Variants in PODXL2 observed in about 807,000 individuals in gnomAD.
PODXL2 encodes the protein podocalyxin like 2, also known as podocalyxin-like protein 2.
PODXL2 carries 17 observed loss-of-function variants against 53.4 expected under a neutral mutation model. That is an observed-to-expected ratio of 0.32 (90% CI 0.22 to 0.48). The LOEUF (loss-of-function observed/expected upper bound fraction) is 0.48. Ranked by LOEUF, PODXL2 falls within the 20% of genes least tolerant of loss-of-function variation. The probability of loss-of-function intolerance (pLI) is 0.99; values close to 1 mark genes in which losing one functional copy is unlikely to be tolerated. For missense variants in PODXL2, 673 were observed against 760.0 expected, an observed-to-expected ratio of 0.89 and a Z score of 1.35; for synonymous variants, 311 against 306.7, an observed-to-expected ratio of 1.01 and a Z score of -0.15.
intron 1 of PODXL2, among the ~76,000 whole-genome samples, chr3:127,630,818 A>G (rs1226483446): frequency 6.6e-6 from 1 of 152,208 alleles, no homozygotes; most frequent in African/African-American, 2.4e-5. Context: ...CACGCCGTAA[A>G]TCCTCTTTGG....
intron 1 of PODXL2, among the ~76,000 whole-genome samples, chr3:127,633,632 T>A (rs1445321790): frequency 6.6e-6 from 1 of 152,174 alleles, no homozygotes; most frequent in African/African-American, 2.4e-5. Flanking sequence ...AAACCTTTAT[T>A]GTGTCCCCAT....
In PODXL2 at chr3:127,672,470, C is replaced by A; in HGVS notation, c.1808C>A (p.Thr603Lys). The change falls in exon 8 of 8, where the codon ACG becomes AAG. Residue 603 changes from threonine to lysine, a missense_variant. Thr to Lys is a moderately conservative substitution (Grantham distance 78). Around this residue, in one of 3 missense-constraint regions of PODXL2, gnomAD observed 79 missense variants for 70.5 expected, o/e 1.12. Transcript: ENST00000342480. Reference sequence around the variant, plus strand: ...GACTCGGACGTGTTCGAGGAGGACACGCACCTGTGAGCGCAGCCGAGGCGC... The same window carrying A: ...GACTCGGACGTGTTCGAGGAGGACAAGCACCTGTGAGCGCAGCCGAGGCGC... Reference protein sequence around the residue: ...PEDSDVFEEDTHL With the variant: ...PEDSDVFEEDKHL The A allele has an allele frequency of 1.3e-6, 2 of 1,516,500 alleles. No homozygotes were observed. Among genetic ancestry groups the A allele is most frequent in the South Asian group, 1.2e-5 (1 of 81,536 alleles). The allele number at this position is 1,516,500 out of a possible 1,614,324, so 93.9% of individuals were successfully genotyped here. A position where few individuals can be genotyped will look rare whatever the true frequency, so the allele number is the denominator to read the frequency against.
chr3:127,629,238 G>T lies in PODXL2; in HGVS notation c.19G>T (p.Ala7Ser). Residue 7 changes from alanine to serine, a missense_variant, in exon 1 of 8, where the codon GCC (alanine) becomes TCC (serine). Ala to Ser is a moderately conservative substitution (Grantham distance 99). Coordinates refer to ENST00000342480, the MANE Select transcript of PODXL2 (RefSeq NM_015720.4). This position sits in a 1 kb window ranked among gnomAD's most constrained non-coding sequence, Gnocchi z 6.4. ...CTACACCATGGGCCGGCTGCTGCGG[G>T]CCGCCCGGCTGCCGCCGCTGCTTTC... MGRLLR[A>S]ARLPPLLSPL... The T allele has an allele frequency of 1.0e-6, 1 of 997,760 alleles. No individual in the cohort carries two copies. The highest frequency in any genetic ancestry group is 1.2e-6 in the Non-Finnish European group (1 of 837,516). 61.8% of individuals were successfully genotyped at this position (997,760 alleles called of 1,614,324 possible). A position where few individuals can be genotyped will look rare whatever the true frequency, so the allele number is the denominator to read the frequency against.
chr3:127,670,504 C>T (rs2074825750), intron 6 of PODXL2, among the ~76,000 whole-genome samples: 1 of 152,344 alleles, frequency 6.6e-6, no homozygotes, highest in Admixed American at 6.5e-5. Context: ...ACTTAATTCA[C>T]ACTGACTTGG....
At chr3:127,657,801 T>A (rs2074734332) in intron 2 of PODXL2, among the ~76,000 whole-genome samples, 1 of 152,268 alleles carries the variant, frequency 6.6e-6, no homozygotes, top group Non-Finnish European at 1.5e-5. Flanking sequence ...TCATGCATTA[T>A]ATCTTAATTC....
At chr3:127,639,190 C>T in intron 1 of PODXL2, 55 bp from the exon 2 acceptor site, 3 of 1,500,732 alleles carry the variant, frequency 2.0e-6, no homozygotes, top group South Asian at 2.7e-5. Flanking sequence ...AACCTGGCAC[C>T]AGTCTTGTGT....
intron 2 of PODXL2, 89 bp downstream of exon 2, chr3:127,639,612 C>T (rs1015443078): frequency 2.5e-6 from 3 of 1,214,814 alleles, no homozygotes; most frequent in Admixed American, 2.2e-5. Context: ...CCAGAAGCAT[C>T]TCTTCTCTCT....
chr3:127,644,772 G>A (rs569542215), intron 2 of PODXL2, among the ~76,000 whole-genome samples: 10 of 152,364 alleles, frequency 6.6e-5, no homozygotes, highest in African/African-American at 2.4e-4. Flanking sequence ...TGGCTGTGAG[G>A]TGGAGATACC....
intron 2 of PODXL2, 129 bp from the exon 3 acceptor site, chr3:127,660,249 C>T (rs1235094309): frequency 8.5e-7 from 1 of 1,172,312 alleles, no homozygotes; most frequent in Non-Finnish European, 1.2e-6. Context: ...CCCCTGGCCT[C>T]TCCATCATGA....
At chr3:127,641,407 C>G (rs1424110890) in intron 2 of PODXL2, among the ~76,000 whole-genome samples, 2 of 150,978 alleles carry the variant, frequency 1.3e-5, no homozygotes, top group Non-Finnish European at 3.0e-5. Context: ...TGGGGTCTTG[C>G]TATGTTGCCC....
intron 2 of PODXL2, among the ~76,000 whole-genome samples, chr3:127,645,001 A>C (rs1302443812): frequency 6.6e-6 from 1 of 152,174 alleles, no homozygotes; most frequent in Non-Finnish European, 1.5e-5. Flanking sequence ...CCTGTGAAAA[A>C]ACTGGAGTTG....
chr3:127,659,588 CTTG>C (rs1461977964), intron 2 of PODXL2, among the ~76,000 whole-genome samples: 1 of 152,154 alleles, frequency 6.6e-6, no homozygotes, highest in East Asian at 1.9e-4. Flanking sequence ...TTCCAAAAAA[CTTG>C]TTGTATAACT....
rs1410048922 is a variant in PODXL2, at chr3:127,668,555, G to A, written c.1321G>A (p.Glu441Lys). The change falls in exon 5 of 8, where the codon GAG (glutamate) becomes AAG (lysine). Residue 441 changes from glutamate to lysine, a missense_variant. Glu to Lys is a moderately conservative substitution (Grantham distance 56). Coordinates refer to ENST00000342480, the MANE Select transcript of PODXL2 (RefSeq NM_015720.4). ...AWHISLSKPS[E>K]KEQHLLMTLV... ...GCACATCTCTCTGAGCAAGCCCAGC[G>A]AGAAGGAGCAGCACCTTCTCATGAC... is the stretch of plus-strand genomic sequence containing the variant. The A allele has an allele frequency of 8.9e-6, 14 of 1,575,810 alleles. No homozygotes were observed. The highest frequency in any genetic ancestry group is 3.6e-5 in the Admixed American group (2 of 55,026).
chr3:127,630,041 A>G (rs2074533289), intron 1 of PODXL2, among the ~76,000 whole-genome samples: 1 of 152,052 alleles, frequency 6.6e-6, no homozygotes, highest in Non-Finnish European at 1.5e-5. Context: ...CACAGGTGTG[A>G]AAGGGATGTG....
Position 127,629,757 on chromosome 3 carries a change from G to A in PODXL2, c.70+468G>A, listed in dbSNP as rs1024712860. On this transcript the variant is annotated intron_variant, in intron 1 of 7. Transcript: ENST00000342480. The surrounding 1 kb of genome is among the most constrained non-coding windows in gnomAD (Gnocchi z 6.4). The stretch of plus-strand genomic sequence containing the variant: ...GGGCCGCCTGCGGAGTGTGGGGCGG[G>A]TACGCTGAGGCGCGGGTGGCTGTTT... 1.3e-5 allele frequency among the ~76,000 whole-genome samples: 2 copies of A among 152,196 alleles called. No individual in the cohort carries two copies. Among genetic ancestry groups the A allele is most frequent in the African/African-American group, 4.8e-5 (2 of 41,440 alleles).
chr3:127,672,232 C>T (rs1167810456), intron 7 of PODXL2, 36 bp from the exon 8 acceptor site: 9 of 1,519,270 alleles, frequency 5.9e-6, no homozygotes, highest in Non-Finnish European at 7.1e-6. Context: ...CGGGGGCTGG[C>T]TCGCTCGCCC....
chr3:127,666,783 A>ATT, intron 4 of PODXL2, among the ~76,000 whole-genome samples: 2 of 152,274 alleles, frequency 1.3e-5, no homozygotes, highest in Middle Eastern at 3.4e-3. Flanking sequence ...TCTACATAAT[A>ATT]AGTGGTATGA....
intron 2 of PODXL2, among the ~76,000 whole-genome samples, chr3:127,644,977 T>A (rs1005444269): frequency 2.0e-5 from 3 of 152,262 alleles, no homozygotes; most frequent in Non-Finnish European, 4.4e-5. Flanking sequence ...TTCTCTGTAC[T>A]ACCTGACCAT....
chr3:127,641,163 C>T (rs1456500637), intron 2 of PODXL2, among the ~76,000 whole-genome samples: 9 of 152,200 alleles, frequency 5.9e-5, no homozygotes, highest in African/African-American at 1.9e-4. Context: ...CTGCCCGTCT[C>T]GGCCTCCCAA....
Sources: allele counts gnomAD v4.1 joint callset (sites outside exome capture counted in the v4.1 genomes callset), GRCh38; gene constraint gnomAD v4.1.1; regional missense constraint gnomAD v4.1.1; non-coding constraint Gnocchi (gnomAD v3.1); transcripts MANE v1.5; gene names NCBI Gene and HGNC (gene_info 2026-07-23, HGNC 2026-07-21).